Variants in ADGRB3 observed in about 807,000 individuals in gnomAD.
ADGRB3 encodes the protein brain-specific angiogenesis inhibitor 3.
A neutral mutation model predicts 193.4 loss-of-function variants in ADGRB3; 37 were observed. That is an observed-to-expected ratio of 0.19 (90% CI 0.15 to 0.25). The LOEUF (loss-of-function observed/expected upper bound fraction) is 0.25, where lower values mean the gene tolerates loss of function less well. Ranked by LOEUF, ADGRB3 falls within the 10% of genes least tolerant of loss-of-function variation. The probability of loss-of-function intolerance (pLI) is 1.00; values close to 1 mark genes in which losing one functional copy is unlikely to be tolerated. For synonymous variants in ADGRB3, 690 were observed against 644.2 expected (o/e 1.07, Z -1.08); for missense variants, 1,637 against 1,852.9 (o/e 0.88, Z 2.14).
intron 3 of ADGRB3, among the ~76,000 whole-genome samples, chr6:68,671,203 T>A (rs1348934606): frequency 6.6e-6 from 1 of 151,972 alleles, no homozygotes; most frequent in East Asian, 1.9e-4. Flanking sequence ...TCTGTAAACA[T>A]GGATAATTTG....
chr6:69,387,326 G>C (rs1052862029), intron 31 of ADGRB3, among the ~76,000 whole-genome samples: 1 of 152,062 alleles, frequency 6.6e-6, no homozygotes, highest in African/African-American at 2.4e-5. Flanking sequence ...AGAGAGGAAA[G>C]AAAGGAAGGA....
intron 20 of ADGRB3, among the ~76,000 whole-genome samples, chr6:69,278,552 A>G (rs1000701253): frequency 6.6e-6 from 1 of 152,194 alleles, no homozygotes; most frequent in Admixed American, 6.5e-5. Flanking sequence ...ATTGATAGCT[A>G]ACCTAAGCAT....
At chr6:69,307,490 A>T (rs1419824156) in intron 20 of ADGRB3, among the ~76,000 whole-genome samples, 7 of 151,618 alleles carry the variant, frequency 4.6e-5, no homozygotes. Context: ...GAAATAACAA[A>T]CAAGGAAAAG....
intron 11 of ADGRB3, among the ~76,000 whole-genome samples, chr6:68,999,122 A>T (rs1188064203): frequency 6.6e-6 from 1 of 152,230 alleles, no homozygotes; most frequent in Non-Finnish European, 1.5e-5. Context: ...TTGGAATGAT[A>T]AGCCACAGTA....
At chr6:69,343,622 A>G (rs890582443) in intron 26 of ADGRB3, among the ~76,000 whole-genome samples, 1 of 152,108 alleles carries the variant, frequency 6.6e-6, no homozygotes, top group African/African-American at 2.4e-5. Flanking sequence ...TAATATTTAA[A>G]CTTTATAAAA....
At chr6:68,889,504 TTTA>T (rs1352574855) in intron 3 of ADGRB3, among the ~76,000 whole-genome samples, 8 of 72,364 alleles carry the variant, frequency 1.1e-4, no homozygotes, top group African/African-American at 5.0e-4. Context: ...TCTTTTCTCT[TTTA>T]TTTTTTTTTT....
In ADGRB3 at chr6:68,990,155, G is replaced by A. The variant is rs1218432428; in HGVS notation, c.1735-3613G>A. Among the ~76,000 whole-genome samples, 4 of 151,990 alleles carry A rather than the reference G, an allele frequency of 2.6e-5. No homozygotes were observed. The East Asian group carries it at 7.7e-4, about 29-fold the overall frequency. On this transcript the variant is annotated intron_variant, in intron 10 of 31. Coordinates refer to ENST00000370598, the MANE Select transcript of ADGRB3 (RefSeq NM_001704.3). Reference sequence around the variant, plus strand: ...GAAAGAAAAAAGGGAAAACAATCTAGCAGATAAACCTGGACATGTCATTCT... The same window carrying A: ...GAAAGAAAAAAGGGAAAACAATCTAACAGATAAACCTGGACATGTCATTCT...
intron 17 of ADGRB3, among the ~76,000 whole-genome samples, chr6:69,126,022 G>C (rs1490004764): frequency 6.6e-6 from 1 of 152,046 alleles, no homozygotes; most frequent in African/African-American, 2.4e-5. Context: ...CTTTTAATTT[G>C]TACTTCCTGT....
At chr6:69,004,250 C>G (rs934580601) in intron 11 of ADGRB3, among the ~76,000 whole-genome samples, 3 of 152,278 alleles carry the variant, frequency 2.0e-5, no homozygotes, top group African/African-American at 7.2e-5. Context: ...GAGGCTAGAT[C>G]TCCAAGATCG....
At chr6:68,663,594 A>G (rs941520018) in intron 3 of ADGRB3, among the ~76,000 whole-genome samples, 1 of 151,804 alleles carries the variant, frequency 6.6e-6, no homozygotes, top group Admixed American at 6.6e-5. Flanking sequence ...GGTTAATATG[A>G]AAGAAATATT....
At chr6:68,665,512 C>G (rs1768778793) in intron 3 of ADGRB3, among the ~76,000 whole-genome samples, 1 of 151,764 alleles carries the variant, frequency 6.6e-6, no homozygotes, top group Admixed American at 6.6e-5. Context: ...AGGAAAACAA[C>G]AACAACAATA....
intron 17 of ADGRB3, among the ~76,000 whole-genome samples, chr6:69,217,810 A>G (rs1765798657): frequency 6.6e-6 from 1 of 152,148 alleles, no homozygotes; most frequent in South Asian, 2.1e-4. Flanking sequence ...GTCCTCCCTG[A>G]CGTAGATCTG....
intron 3 of ADGRB3, among the ~76,000 whole-genome samples, chr6:68,756,592 T>A (rs901116524): frequency 6.6e-6 from 1 of 152,100 alleles, no homozygotes; most frequent in Non-Finnish European, 1.5e-5. Flanking sequence ...GCAGGCTATA[T>A]TCAATACCAA....
intron 20 of ADGRB3, among the ~76,000 whole-genome samples, chr6:69,262,050 G>A (rs78240583): frequency 6.6e-6 from 1 of 151,806 alleles, no homozygotes; most frequent in Non-Finnish European, 1.5e-5. Context: ...GGAGAGAAAG[G>A]CATCTTAATG....
intron 3 of ADGRB3, among the ~76,000 whole-genome samples, chr6:68,862,112 T>C (rs570818210): frequency 8.0e-6 from 1 of 125,396 alleles, no homozygotes; most frequent in Non-Finnish European, 1.7e-5. Context: ...TTCCTCACTA[T>C]GTTTAAAGAG....
intron 20 of ADGRB3, among the ~76,000 whole-genome samples, chr6:69,240,478 C>T (rs1766361936): frequency 2.0e-5 from 3 of 151,756 alleles, no homozygotes; most frequent in Admixed American, 2.0e-4. Context: ...AAATATAGTT[C>T]AGGTCCATGT....
chr6:68,726,332 G>T (rs769152506), intron 3 of ADGRB3, among the ~76,000 whole-genome samples: 1 of 151,636 alleles, frequency 6.6e-6, no homozygotes, highest in Non-Finnish European at 1.5e-5. Context: ...TAGAAAAGTT[G>T]TGCCTTTCTC....
chr6:68,883,142 A>G (rs1039702352), intron 3 of ADGRB3, among the ~76,000 whole-genome samples: 2 of 152,292 alleles, frequency 1.3e-5, no homozygotes, highest in East Asian at 3.9e-4. Flanking sequence ...TACACCAATC[A>G]GCACCCTGTC....
At chr6:69,362,103 T>C (rs1054416836) in intron 29 of ADGRB3, among the ~76,000 whole-genome samples, 1 of 151,968 alleles carries the variant, frequency 6.6e-6, no homozygotes, top group Non-Finnish European at 1.5e-5. Flanking sequence ...AAATTTTGCA[T>C]CTTAGACTGT....
Sources: allele counts gnomAD v4.1 joint callset (sites outside exome capture counted in the v4.1 genomes callset), GRCh38; gene constraint gnomAD v4.1.1; transcripts MANE v1.5; gene names NCBI Gene and HGNC (gene_info 2026-07-23, HGNC 2026-07-21).